Variants in ZDHHC15 observed in about 807,000 individuals in gnomAD.
ZDHHC15 encodes zDHHC palmitoyltransferase 15, also known as palmitoyltransferase ZDHHC15.
ZDHHC15 carries 19 observed loss-of-function variants against 31.7 expected under a neutral mutation model. The ratio of observed to expected loss-of-function variants is 0.60; its 90% CI spans 0.42 to 0.88. The LOEUF (loss-of-function observed/expected upper bound fraction) is 0.88. ZDHHC15 is among the 40% of genes least tolerant of loss of function. The pLI is 0.00. For missense variants in ZDHHC15, 209 were observed against 251.2 expected, an observed-to-expected ratio of 0.83 and a Z score of 1.14; for synonymous variants, 103 against 90.0, an observed-to-expected ratio of 1.14 and a Z score of -0.82.
At chrX:75,480,956 G>A (rs1371544840) in intron 2 of ZDHHC15, among the ~76,000 whole-genome samples, 2 of 111,381 alleles carry the variant, frequency 1.8e-5, no homozygotes, top group Non-Finnish European at 3.8e-5. Flanking sequence ...TCATCAATAA[G>A]TGAGAGCGCC....
intron 10 of ZDHHC15, 27 bp downstream of exon 10, chrX:75,417,060 G>A: frequency 9.0e-7 from 1 of 1,109,414 alleles, no homozygotes; most frequent in Non-Finnish European, 1.2e-6. Context: ...TATTAATGTG[G>A]ACTTCATAGT....
intron 2 of ZDHHC15, among the ~76,000 whole-genome samples, chrX:75,494,510 T>A (rs972792181): frequency 2.7e-5 from 3 of 111,679 alleles, no homozygotes; most frequent in African/African-American, 9.8e-5. Context: ...GCTGGAGGCA[T>A]CATGCTACCT....
At chrX:75,514,820 G>T (rs1196858307) in intron 1 of ZDHHC15, among the ~76,000 whole-genome samples, 1 of 111,443 alleles carries the variant, frequency 9.0e-6, no homozygotes, top group African/African-American at 3.3e-5. Context: ...GAATTGTGAG[G>T]CAGCAGCAAG....
Position 75,370,443 on chromosome X carries a change from A to T in ZDHHC15, c.*2535T>A, listed in dbSNP as rs2082994821. ...ATAGGGATATTATCAGAGTCTATAA[A>T]CCAATGAGACCAAAATGCTAAGATA... On this transcript the variant is annotated 3_prime_UTR_variant, in exon 12 of 12. Transcript: ENST00000373367. 1 of 110,953 alleles carries T rather than the reference A, an allele frequency of 9.0e-6. No individual in the cohort carries two copies. The highest frequency in any genetic ancestry group is 1.9e-5 in the Non-Finnish European group (1 of 53,015). The allele number at this position is 110,953 out of a possible 1,213,427, so 9.1% of individuals were successfully genotyped here.
At chrX:75,391,888 AT>A (rs1481998526) in intron 10 of ZDHHC15, among the ~76,000 whole-genome samples, 4 of 112,290 alleles carry the variant, frequency 3.6e-5, no homozygotes, top group Non-Finnish European at 5.6e-5. Context: ...CTGATCAAAA[AT>A]AACTATAACA....
Position 75,433,775 on chromosome X carries a change from G to C in ZDHHC15, c.380-2255C>G, listed in dbSNP as rs950823044. Among the ~76,000 whole-genome samples the C allele has an allele frequency of 1.0e-4, 11 of 108,376 alleles. No individual in the cohort carries two copies. In the Admixed American group the frequency reaches 1.1e-3, roughly 11 times the overall value. 94.1% of individuals were successfully genotyped at this position (108,376 alleles called of 115,157 possible). On this transcript the variant is annotated intron_variant, in intron 4 of 11. Transcript: ENST00000373367. The stretch of plus-strand genomic sequence containing the variant: ...GGCTGGTTCCATATTTTTGTAATTT[G>C]TAATTGCAAACTGTGTTGCGATGAA...
intron 3 of ZDHHC15, among the ~76,000 whole-genome samples, chrX:75,459,528 C>T (rs890128854): frequency 5.4e-5 from 6 of 111,513 alleles, no homozygotes; most frequent in East Asian, 2.9e-4. Context: ...AACAGTGAAG[C>T]GTACCTACTT....
intron 4 of ZDHHC15, among the ~76,000 whole-genome samples, chrX:75,444,640 GTATATATATA>G (rs760429265): frequency 0.11 from 2,446 of 22,677 alleles, 171 homozygotes; most frequent in Middle Eastern, 0.5. Flanking sequence ...AAGCAACACT[GTATATATATA>G]TATATATATA....
chrX:75,522,178 C>T (rs1261524562), intron 1 of ZDHHC15, among the ~76,000 whole-genome samples: 1 of 111,166 alleles, frequency 9.0e-6, no homozygotes, highest in East Asian at 2.9e-4. Context: ...AATACCAATC[C>T]CATTAAAGAA....
chrX:75,418,897 G>A (rs1218293581), intron 9 of ZDHHC15, among the ~76,000 whole-genome samples: 2 of 112,096 alleles, frequency 1.8e-5, no homozygotes, highest in African/African-American at 6.5e-5. Flanking sequence ...ATAGACATGG[G>A]CAAAGACTTC....
intron 6 of ZDHHC15, among the ~76,000 whole-genome samples, chrX:75,429,706 A>G (rs1379702383): frequency 1.8e-5 from 2 of 111,902 alleles, no homozygotes; most frequent in African/African-American, 6.5e-5. Flanking sequence ...ACTATGCTCA[A>G]TTGCTAAAGT....
At chrX:75,440,172 G>A (rs960373585) in intron 4 of ZDHHC15, among the ~76,000 whole-genome samples, 1 of 112,280 alleles carries the variant, frequency 8.9e-6, no homozygotes, top group Non-Finnish European at 1.9e-5. Context: ...AAGCTATCAC[G>A]TGGACAAACT....
intron 10 of ZDHHC15, among the ~76,000 whole-genome samples, chrX:75,394,191 A>G (rs764771693): frequency 1.8e-5 from 2 of 111,726 alleles, no homozygotes; most frequent in Non-Finnish European, 3.8e-5. Flanking sequence ...CAAAAAACAT[A>G]TTACAGATAC....
intron 2 of ZDHHC15, among the ~76,000 whole-genome samples, chrX:75,487,731 T>G (rs1481430736): frequency 9.0e-6 from 1 of 111,533 alleles, no homozygotes; most frequent in Non-Finnish European, 1.9e-5. Flanking sequence ...ATTAAGCTAC[T>G]CAAGGAGGCA....
chrX:75,482,216 C>T (rs2084700052), intron 2 of ZDHHC15, among the ~76,000 whole-genome samples: 1 of 111,189 alleles, frequency 9.0e-6, no homozygotes. Flanking sequence ...CCCCAAATCT[C>T]ACCATCATGC....
chrX:75,402,795 T>C (rs1331892474), intron 10 of ZDHHC15, among the ~76,000 whole-genome samples: 1 of 111,035 alleles, frequency 9.0e-6, no homozygotes, highest in East Asian at 2.8e-4. Context: ...AGCCAAATTC[T>C]ACGAGATTAC....
At chrX:75,461,306 T>C (rs762645882) in intron 3 of ZDHHC15, among the ~76,000 whole-genome samples, 12 of 111,484 alleles carry the variant, frequency 1.1e-4, no homozygotes, top group Non-Finnish European at 1.9e-4. Flanking sequence ...AACCTACAAC[T>C]GATTGGGGTA....
At chrX:75,472,636 G>A (rs184017439) in intron 3 of ZDHHC15, among the ~76,000 whole-genome samples, 2 of 111,991 alleles carry the variant, frequency 1.8e-5, no homozygotes, top group East Asian at 5.7e-4. Flanking sequence ...AGCAGAGGAG[G>A]ATTTTAATAA....
intron 10 of ZDHHC15, among the ~76,000 whole-genome samples, chrX:75,383,735 G>GTT (rs34663369): frequency 3.3e-4 from 29 of 86,603 alleles, no homozygotes; most frequent in African/African-American, 9.7e-4. Context: ...GAAATGTTAG[G>GTT]TTTTTTTTTT....
Sources: allele counts gnomAD v4.1 joint callset (sites outside exome capture counted in the v4.1 genomes callset), GRCh38; gene constraint gnomAD v4.1.1; transcripts MANE v1.5; gene names NCBI Gene and HGNC (gene_info 2026-07-23, HGNC 2026-07-21).